The following PXDNL variants were observed in gnomAD, a reference collection of about 807,000 sequenced individuals.
The protein encoded by PXDNL is peroxidasin like, also known as probable oxidoreductase PXDNL.
PXDNL carries 145 observed loss-of-function variants against 150.8 expected under a neutral mutation model. The observed-to-expected ratio is 0.96, with a 90% confidence interval of 0.84 to 1.10. PXDNL has a LOEUF of 1.10. Ranked by LOEUF, PXDNL falls within the 50% of genes least tolerant of loss-of-function variation. PXDNL has a pLI of 0.00. For missense variants in PXDNL, 2,087 were observed against 1,873.9 expected (o/e 1.11, Z -2.10); for synonymous variants, 757 against 725.7 (o/e 1.04, Z -0.69).
chr8:51,618,019 C>G (rs1814165517), intron 2 of PXDNL, among the ~76,000 whole-genome samples: 1 of 152,222 alleles, frequency 6.6e-6, no homozygotes, highest in Admixed American at 6.5e-5. Flanking sequence ...GAAAATCCCA[C>G]CATTTTGAAA....
At chr8:51,472,137 T>G (rs369562772) in intron 8 of PXDNL, 50 bp downstream of exon 8, 37 of 1,205,754 alleles carry the variant, frequency 3.1e-5, no homozygotes, top group African/African-American at 2.4e-4. Context: ...TTAAAAAGAT[T>G]GCTGGAATCA....
At position 51,409,316 on chromosome 8, in the gene PXDNL, G is replaced by A. The variant is rs760447314; in HGVS notation, c.2308C>T (p.Pro770Ser). 9.8e-6 allele frequency: 14 copies of A among 1,425,982 alleles called. No homozygotes were observed. The highest frequency in any genetic ancestry group is 8.5e-5 in the East Asian group (3 of 35,358). 88.3% of individuals were successfully genotyped at this position (1,425,982 alleles called of 1,614,324 possible). Reference protein sequence around the residue: ...GIRAPRGLGLPVGSRQPLPPP... With the variant: ...GIRAPRGLGLSVGSRQPLPPP... ...GGGAGGGGCTGGCGGGAGCCCACAG[G>A]AAGGCCGAGCCCGCGGGGCGCGCGG... The change falls in exon 17 of 23, where the codon CCT becomes TCT. Residue 770 changes from proline (P) to serine (S), a missense_variant. Pro to Ser is a moderately conservative substitution (Grantham distance 74). Coordinates refer to ENST00000356297, the MANE Select transcript of PXDNL (RefSeq NM_144651.5).
chr8:51,414,498 CTGAG>C (rs1808741600), intron 14 of PXDNL, among the ~76,000 whole-genome samples: 1 of 151,314 alleles, frequency 6.6e-6, no homozygotes, highest in African/African-American at 2.4e-5. Context: ...TGCAGCAATT[CTGAG>C]TAAGTAGGGT....
chr8:51,609,849 T>G (rs1813959343), intron 2 of PXDNL, among the ~76,000 whole-genome samples: 1 of 152,316 alleles, frequency 6.6e-6, no homozygotes, highest in East Asian at 1.9e-4. Flanking sequence ...GAGAAGTGCT[T>G]CTGATATCAC....
chr8:51,332,733 G>A (rs565959725), intron 21 of PXDNL, among the ~76,000 whole-genome samples: 21 of 152,250 alleles, frequency 1.4e-4, no homozygotes, highest in African/African-American at 4.8e-4. Flanking sequence ...GTAGAAGAAA[G>A]AAATTCAGGC....
At chr8:51,388,231 A>G (rs1272844784) in intron 17 of PXDNL, among the ~76,000 whole-genome samples, 4 of 152,216 alleles carry the variant, frequency 2.6e-5, no homozygotes, top group Non-Finnish European at 5.9e-5. Context: ...GACCAAATAG[A>G]AAATTATTCA....
At chr8:51,483,401 G>A (rs1375352561) in intron 6 of PXDNL, among the ~76,000 whole-genome samples, 4 of 152,180 alleles carry the variant, frequency 2.6e-5, no homozygotes, top group Non-Finnish European at 5.9e-5. Context: ...ACAGAGAAAC[G>A]AGGAAAACGT....
At chr8:51,320,939 G>C in intron 21 of PXDNL, 42 bp from the exon 22 acceptor site, 1 of 1,419,422 alleles carries the variant, frequency 7.0e-7, no homozygotes. Context: ...AAATTGAAGC[G>C]GATAGCAACA....
At chr8:51,463,644 CAAT>C (rs1810132194) in intron 8 of PXDNL, among the ~76,000 whole-genome samples, 1 of 152,192 alleles carries the variant, frequency 6.6e-6, no homozygotes, top group East Asian at 1.9e-4. Context: ...ACACTTTATC[CAAT>C]AATAACAGAA....
chr8:51,479,551 G>A (rs928887753), intron 6 of PXDNL, among the ~76,000 whole-genome samples: 5 of 152,136 alleles, frequency 3.3e-5, no homozygotes, highest in African/African-American at 1.2e-4. Context: ...GAAAACTTTG[G>A]CAAAAAGCAG....
chr8:51,355,572 G>T (rs554406110), intron 19 of PXDNL, among the ~76,000 whole-genome samples: 1 of 152,232 alleles, frequency 6.6e-6, no homozygotes, highest in African/African-American at 2.4e-5. Context: ...CCTGCCTTAG[G>T]TGTAAGTTTT....
chr8:51,550,114 C>T (rs892877508), intron 4 of PXDNL, among the ~76,000 whole-genome samples: 5 of 152,054 alleles, frequency 3.3e-5, no homozygotes, highest in African/African-American at 1.2e-4. Flanking sequence ...AATATACAAA[C>T]CTCCTAGATT....
chr8:51,476,610 G>GGT (rs72606555), intron 6 of PXDNL, among the ~76,000 whole-genome samples: 149,054 of 152,282 alleles, frequency 0.98, 73,027 homozygotes, highest in East Asian at 1. Flanking sequence ...AGAGATTTAT[G>GGT]ATATACCTCC....
intron 21 of PXDNL, among the ~76,000 whole-genome samples, chr8:51,321,524 G>T (rs1009352203): frequency 2.0e-5 from 3 of 151,968 alleles, no homozygotes; most frequent in Non-Finnish European, 4.4e-5. Flanking sequence ...AGTGGGAGGT[G>T]ATTGGATCTT....
chr8:51,682,090 T>G (rs1277448464), intron 1 of PXDNL, among the ~76,000 whole-genome samples: 1 of 152,222 alleles, frequency 6.6e-6, no homozygotes, highest in Non-Finnish European at 1.5e-5. Flanking sequence ...GCTAAAAAAA[T>G]TTTAGCAAAT....
chr8:51,571,464 C>T (rs1329831140), intron 3 of PXDNL, among the ~76,000 whole-genome samples: 3 of 151,754 alleles, frequency 2.0e-5, no homozygotes, highest in African/African-American at 7.2e-5. Context: ...TATGTATTTA[C>T]ACTGATGATG....
At chr8:51,650,807 C>T (rs182226600) in intron 2 of PXDNL, among the ~76,000 whole-genome samples, 14 of 152,276 alleles carry the variant, frequency 9.2e-5, no homozygotes, top group Non-Finnish European at 1.9e-4. Context: ...ACAAAATGAC[C>T]TAACTCTTAT....
intron 1 of PXDNL, among the ~76,000 whole-genome samples, chr8:51,744,924 AAG>A (rs1197330748): frequency 2.6e-4 from 29 of 110,854 alleles, no homozygotes; most frequent in African/African-American, 1.1e-3. Context: ...GAAGGAAAGA[AAG>A]AAAAAGAAAG....
At chr8:51,383,430 T>C (rs769663836) in intron 17 of PXDNL, among the ~76,000 whole-genome samples, 2 of 152,186 alleles carry the variant, frequency 1.3e-5, no homozygotes, top group Non-Finnish European at 2.9e-5. Context: ...GCATTGTCCC[T>C]GAAAGTGAGA....
Sources: gnomAD v4.1 joint callset for allele counts (sites outside exome capture counted in the v4.1 genomes callset) on GRCh38, gnomAD v4.1.1 for gene constraint, MANE v1.5 for transcripts, NCBI Gene and HGNC (gene_info 2026-07-23, HGNC 2026-07-21) for gene names.